The following DMXL1 variants were observed in gnomAD, a reference collection of about 807,000 sequenced individuals.
DMXL1 encodes Dmx like 1.
A neutral mutation model predicts 319.2 loss-of-function variants in DMXL1; 99 were observed. The ratio of observed to expected loss-of-function variants is 0.31; its 90% CI spans 0.26 to 0.37. The LOEUF is 0.37. Among genes scored for constraint, DMXL1 ranks in the 10% least tolerant of loss-of-function variants. The pLI, the probability that DMXL1 is intolerant of heterozygous loss-of-function variation, is 1.00. For missense variants in DMXL1, 3,745 were observed against 3,595.6 expected (o/e 1.04, Z -1.06); for synonymous variants, 1,385 against 1,235.2 (o/e 1.12, Z -2.54).
chr5:119,128,272 C>A, intron 9 of DMXL1: 1 of 294,486 alleles, frequency 3.4e-6, no homozygotes, highest in Non-Finnish European at 6.7e-6. Flanking sequence ...GTTTCTGAAT[C>A]CAGATTTCCC....
rs760375872 is a variant in DMXL1 at position 119,150,105 on chromosome 5, T to C, written c.4278T>C (p.Ser1426=). The change falls in exon 18 of 44, where the codon TCT becomes TCC. Residue 1426 remains serine (S), a synonymous_variant. Coordinates refer to ENST00000539542, the MANE Select transcript of DMXL1 (RefSeq NM_001290321.3). ...DDSCYSSLEK[S]SNESTLSKSN... is the part of the protein sequence containing the mutation. ...GCTGTTACTCATCTTTGGAGAAATC[T>C]AGTAATGAGAGTACGTTAAGTAAAT... 6.2e-7 allele frequency: 1 copy of C among 1,613,806 alleles called. No individual in the cohort carries two copies. The highest frequency in any genetic ancestry group is 8.5e-7 in the Non-Finnish European group (1 of 1,179,864).
intron 42 of DMXL1, among the ~76,000 whole-genome samples, chr5:119,242,769 G>A (rs755088651): frequency 2.1e-4 from 32 of 152,136 alleles, no homozygotes; most frequent in Non-Finnish European, 4.3e-4. Flanking sequence ...ATAGATCATA[G>A]AACAGAATGG....
In DMXL1 at chr5:119,239,025, G is replaced by A; in HGVS notation, c.8596G>A (p.Val2866Ile). 6.2e-7 allele frequency: 1 copy of A among 1,613,812 alleles called. No homozygotes were observed. The highest frequency in any genetic ancestry group is 1.1e-5 in the South Asian group (1 of 91,076). ...TCATAACAAAACAGCCAATGATTTT[G>A]TCTTCGTTAGTTCCTCCTCTCTGAT... ...QCHNKTANDFVFVSSSSLIAT... is the reference protein window; with the variant it reads ...QCHNKTANDFIFVSSSSLIAT... Residue 2866 changes from valine (V) to isoleucine (I), a missense_variant, in exon 41 of 44, where the codon GTC (valine) becomes ATC (isoleucine). Physicochemically the swap from Val to Ile is conservative, Grantham distance 29. Coordinates refer to ENST00000539542, the MANE Select transcript of DMXL1 (RefSeq NM_001290321.3).
At chr5:119,168,438 G>C (rs1046447752) in intron 23 of DMXL1, among the ~76,000 whole-genome samples, 10 of 152,130 alleles carry the variant, frequency 6.6e-5, no homozygotes, top group Non-Finnish European at 1.3e-4. Flanking sequence ...TTACTTTTCA[G>C]ATATGTTTTC....
chr5:119,209,441 C>G (rs527834811), intron 34 of DMXL1, among the ~76,000 whole-genome samples: 1 of 151,878 alleles, frequency 6.6e-6, no homozygotes, highest in African/African-American at 2.4e-5. Context: ...CCTTGACCTC[C>G]TGGGCTCAAG....
chr5:119,246,963 C>T (rs751034618), intron 43 of DMXL1, 32 bp from the exon 44 acceptor site: 3 of 1,518,042 alleles, frequency 2.0e-6, no homozygotes, highest in Non-Finnish European at 2.7e-6. Context: ...ATCATCAACC[C>T]TAATTTTCCG....
intron 28 of DMXL1, among the ~76,000 whole-genome samples, chr5:119,183,435 G>A (rs529536241): frequency 2.9e-4 from 44 of 152,260 alleles, no homozygotes; most frequent in Middle Eastern, 3.4e-3. Flanking sequence ...AAAGACTGCT[G>A]AACTTCAAAG....
chr5:119,085,754 C>G (rs796864176), intron 1 of DMXL1, among the ~76,000 whole-genome samples: 48 of 152,214 alleles, frequency 3.2e-4, no homozygotes, highest in African/African-American at 1.0e-3. Flanking sequence ...AGTCGGCATT[C>G]TTGTTCCATA....
At chr5:119,165,772 G>T (rs1773308018) in intron 21 of DMXL1, among the ~76,000 whole-genome samples, 1 of 152,198 alleles carries the variant, frequency 6.6e-6, no homozygotes, top group African/African-American at 2.4e-5. Flanking sequence ...CAAGTCTCTT[G>T]AGGCTTATTC....
intron 38 of DMXL1, among the ~76,000 whole-genome samples, chr5:119,233,058 C>T: frequency 6.6e-6 from 1 of 151,744 alleles, no homozygotes; most frequent in Middle Eastern, 3.4e-3. Context: ...AAATAAAAGG[C>T]TGTTAAGACA....
At chr5:119,144,408 G>A (rs549283350) in intron 14 of DMXL1, 128 bp from the exon 15 acceptor site, 27 of 679,596 alleles carry the variant, frequency 4.0e-5, no homozygotes, top group African/African-American at 1.9e-4. Flanking sequence ...ATACGCTTAC[G>A]TTCTGCTGAA....
At chr5:119,195,027 A>G (rs564824645) in intron 30 of DMXL1, among the ~76,000 whole-genome samples, 63 of 152,242 alleles carry the variant, frequency 4.1e-4, no homozygotes, top group African/African-American at 1.1e-3. Flanking sequence ...CAGTTTCCCA[A>G]TGAGACAACA....
In DMXL1 at chr5:119,149,694, T is replaced by G. The variant is rs1358663149; in HGVS notation, c.3867T>G (p.Leu1289=). 6.2e-7 allele frequency: 1 copy of G among 1,614,024 alleles called. No individual in the cohort carries two copies. Among genetic ancestry groups the G allele is most frequent in the African/African-American group, 1.3e-5 (1 of 75,044 alleles). ...KKTLTRSMTS[L]AQKICGKKTA... is the part of the protein sequence containing the mutation. ...CTCTGACTCGATCCATGACCAGTCT[T>G]GCACAGAAAATCTGTGGAAAGAAAA... The change falls in exon 18 of 44, where the codon CTT becomes CTG. Residue 1289 remains leucine (L), a synonymous_variant. Coordinates refer to ENST00000539542, the MANE Select transcript of DMXL1 (RefSeq NM_001290321.3).
Position 119,150,155 on chromosome 5 carries a change from A to G in DMXL1, c.4328A>G (p.Tyr1443Cys), listed in dbSNP as rs749468369. Reference protein sequence around the residue: ...SKSNQLSKESYDELFQTQLLM... With the variant: ...SKSNQLSKESCDELFQTQLLM... ...TCAAACCAATTATCTAAAGAAAGTT[A>G]TGATGAGCTTTTTCAGACTCAACTT... Residue 1443 changes from tyrosine to cysteine, a missense_variant, in exon 18 of 44, where the codon TAT becomes TGT. This residue lies in a region of DMXL1 where 2,096 missense variants were observed against 1,985.4 expected (regional missense o/e 1.06). Coordinates refer to ENST00000539542, the MANE Select transcript of DMXL1 (RefSeq NM_001290321.3). The G allele has an allele frequency of 2.0e-5, 32 of 1,613,764 alleles. No homozygotes were observed. The highest frequency in any genetic ancestry group is 1.6e-4 in the Middle Eastern group (1 of 6,078).
At chr5:119,120,777 C>T (rs1761871027) in intron 8 of DMXL1, among the ~76,000 whole-genome samples, 194 bp from the exon 9 acceptor site, 1 of 152,172 alleles carries the variant, frequency 6.6e-6, no homozygotes, top group Admixed American at 6.5e-5. Context: ...TAACTTTATT[C>T]TTCAGGATTC....
At chr5:119,100,023 A>G (rs1327556148) in intron 2 of DMXL1, among the ~76,000 whole-genome samples, 1 of 152,046 alleles carries the variant, frequency 6.6e-6, no homozygotes, top group Non-Finnish European at 1.5e-5. Flanking sequence ...CAAAAAGAGG[A>G]ATTAAGAAGT....
At chr5:119,127,059 C>A in intron 9 of DMXL1, 1 of 166,344 alleles carries the variant, frequency 6.0e-6, no homozygotes, top group South Asian at 1.8e-4. Context: ...CCATTTGTGC[C>A]AGAGGGCTCT....
rs1020674452 is a variant in DMXL1 at position 119,167,794 on chromosome 5, A to T, written c.5328A>T (p.Ala1776=). The T allele has an allele frequency of 6.2e-7, 1 of 1,613,474 alleles. No individual in the cohort carries two copies. Among genetic ancestry groups the T allele is most frequent in the African/African-American group, 1.3e-5 (1 of 74,918 alleles). Residue 1776 remains alanine, a synonymous_variant, in exon 23 of 44, where the codon GCA becomes GCT. Coordinates refer to ENST00000539542, the MANE Select transcript of DMXL1 (RefSeq NM_001290321.3). ...MHHDPFLRSM[A]YWILEDYSGA... is the part of the protein sequence containing the mutation. ...ATGATCCTTTTCTTCGGAGCATGGC[A>T]TATTGGATTTTGGAAGATTATAGTG... is the stretch of plus-strand genomic sequence containing the variant.
chr5:119,165,703 A>G (rs60932484), intron 21 of DMXL1, among the ~76,000 whole-genome samples: 4,082 of 152,336 alleles, frequency 0.027, 200 homozygotes, highest in African/African-American at 0.093. Flanking sequence ...CATGTCTCAC[A>G]TGGCAGCAGA....
Sources: allele counts gnomAD v4.1 joint callset (sites outside exome capture counted in the v4.1 genomes callset), GRCh38; gene constraint gnomAD v4.1.1; regional missense constraint gnomAD v4.1.1; transcripts MANE v1.5; gene names NCBI Gene and HGNC (gene_info 2026-07-23, HGNC 2026-07-21).